LRRC71: variants seen among roughly 807,000 people sequenced by gnomAD.
LRRC71 encodes the protein leucine rich repeat containing 71.
A neutral mutation model predicts 66.6 loss-of-function variants in LRRC71; 54 were observed. The observed-to-expected ratio is 0.81, with a 90% CI of 0.65 to 1.02. The LOEUF (loss-of-function observed/expected upper bound fraction) is 1.02, where lower values mean the gene tolerates loss of function less well. LRRC71 is among the 50% of genes least tolerant of loss of function. LRRC71 has a pLI of 0.00. For missense variants in LRRC71, 724 were observed against 718.0 expected (o/e 1.01, Z -0.10); for synonymous variants, 323 against 303.9 (o/e 1.06, Z -0.65).
chr1:156,932,388 G>A (rs751460466), intron 13 of LRRC71, 36 bp from the exon 14 acceptor site: 3 of 1,557,654 alleles, frequency 1.9e-6, no homozygotes, highest in African/African-American at 1.4e-5. Flanking sequence ...TGAGGCCTGT[G>A]GTGCTAAGAG....
In LRRC71 at chr1:156,927,637, C is replaced by G; in HGVS notation, c.804C>G (p.Gly268=). 2 of 1,605,018 alleles carry G rather than the reference C, an allele frequency of 1.2e-6. No homozygotes were observed. The highest frequency in any genetic ancestry group is 1.7e-6 in the Non-Finnish European group (2 of 1,176,260). The change falls in exon 7 of 15, where the codon GGC becomes GGG. Residue 268 remains glycine (G), a synonymous_variant. Transcript: ENST00000337428. ...GTTTCAACCACATCGGTGACGAGGG[C>G]GCAGGCTACATCGCGGACGTGAGTG... The part of the protein sequence containing the change: ...NLGFNHIGDE[G]AGYIADGLRL...
the LRRC71 span, chr1:156,940,058 G>T: frequency 7.0e-7 from 1 of 1,418,968 alleles, no homozygotes; most frequent in Non-Finnish European, 9.4e-7. Context: ...TGGGGGTTGG[G>T]TGGGGAATGA....
At chr1:156,930,693 C>A (rs1435680964) in intron 12 of LRRC71, 76 bp downstream of exon 12, 2 of 1,360,994 alleles carry the variant, frequency 1.5e-6, no homozygotes, top group Non-Finnish European at 2.0e-6. Flanking sequence ...CTCACCCCAG[C>A]CCCTCCTGGA....
At chr1:156,937,119 G>C (rs1257706843), downstream of LRRC71, 1 of 1,565,198 alleles carries the variant, frequency 6.4e-7, no homozygotes, top group Non-Finnish European at 8.7e-7. Flanking sequence ...GTGGCTGGGC[G>C]GGCTGGGGGA....
chr1:156,930,060 T>TTC (rs746194831), intron 11 of LRRC71, among the ~76,000 whole-genome samples: 90 of 126,104 alleles, frequency 7.1e-4, no homozygotes, highest in East Asian at 2.2e-3. Flanking sequence ...CTTTCTTTCT[T>TTC]TTTCTTTCTT....
At position 156,924,645 on chromosome 1, in the gene LRRC71, T is replaced by C; in HGVS notation, c.442T>C (p.Trp148Arg). 6.4e-7 allele frequency: 1 copy of C among 1,551,478 alleles called. No homozygotes were observed. Among genetic ancestry groups the C allele is most frequent in the Non-Finnish European group, 8.7e-7 (1 of 1,146,908 alleles). Residue 148 changes from tryptophan (W) to arginine (R), a missense_variant and splice_region_variant, in exon 4 of 15, where the codon TGG becomes CGG. Physicochemically the swap from Trp to Arg is moderately radical, Grantham distance 101 (BLOSUM62 -3). Coordinates refer to ENST00000337428, the MANE Select transcript of LRRC71 (RefSeq NM_144702.3). ...ACCTGCCTCCTCTTGGCCCGCAGGT[T>C]GGAAGGTTGAGGAACGGATTCTGGG... ...KSVKEIYIRG[W>R]KVEERILGVF... is the part of the protein sequence containing the mutation.
chr1:156,931,195 C>T (rs1268496707), intron 12 of LRRC71, among the ~76,000 whole-genome samples: 2 of 152,122 alleles, frequency 1.3e-5, no homozygotes, highest in African/African-American at 4.8e-5. Context: ...CTCTTATGGT[C>T]CCTCATCCCT....
downstream of LRRC71, chr1:156,937,434 CCT>C: frequency 6.4e-7 from 1 of 1,571,234 alleles, no homozygotes; most frequent in Non-Finnish European, 8.6e-7. Flanking sequence ...CTCATGGGTG[CCT>C]CTGAGTGGTC....
intron 9 of LRRC71, among the ~76,000 whole-genome samples, chr1:156,928,408 C>CTTCTTCTTCTTCTTCT (rs1491124092): frequency 1.4e-3 from 48 of 34,446 alleles, no homozygotes; most frequent in African/African-American, 2.7e-3. Context: ...CTTCTTCTTC[C>CTTCTTCTTCTTCTTCT]TCTTATTCCT....
chr1:156,927,242 T>C lies in LRRC71; in HGVS notation c.634T>C (p.Tyr212His). The C allele has an allele frequency of 6.2e-7, 1 of 1,613,784 alleles. No individual in the cohort carries two copies. The highest frequency in any genetic ancestry group is 8.5e-7 in the Non-Finnish European group (1 of 1,179,838). The change falls in exon 6 of 15, where the codon TAT (tyrosine) becomes CAT (histidine). Residue 212 changes from tyrosine (Y) to histidine (H), a missense_variant. Tyr to His is a moderately conservative substitution (Grantham distance 83). Coordinates refer to ENST00000337428, the MANE Select transcript of LRRC71 (RefSeq NM_144702.3). The stretch of plus-strand genomic sequence containing the variant: ...GGGGAACCCACTGCCGGAGCAGTCC[T>C]ATCACAAGCTCATGGCCTTGGACAG... ...LEGNPLPEQS[Y>H]HKLMALDSTI...
chr1:156,937,218 C>T (rs771963707), downstream of LRRC71: 10 of 1,612,620 alleles, frequency 6.2e-6, no homozygotes, highest in Admixed American at 5.0e-5. Flanking sequence ...GGACTGAAGG[C>T]CTGCAGGGAC....
downstream of LRRC71, chr1:156,936,237 C>T (rs749794360): frequency 3.8e-6 from 3 of 782,442 alleles, no homozygotes; most frequent in African/African-American, 3.4e-5. Flanking sequence ...CTTTCATCAG[C>T]GCCTAAAGCC....
At chr1:156,923,913 T>TGGCCCCTTCTCTCACGCCCCTGC in intron 1 of LRRC71, 36 bp from the exon 2 acceptor site, 1 of 1,432,898 alleles carries the variant, frequency 7.0e-7, no homozygotes, top group Non-Finnish European at 9.2e-7. Context: ...GGGGTGGGCG[T>TGGCCCCTTCTCTCACGCCCCTGC]GGCCCCTTCT....
Position 156,927,493 on chromosome 1 carries a change from C to G in LRRC71, c.663-3C>G, listed in dbSNP as rs1337209825. On this transcript the variant is annotated splice_region_variant and splice_polypyrimidine_tract_variant and intron_variant, in intron 6 of 14. Coordinates refer to ENST00000337428, the MANE Select transcript of LRRC71 (RefSeq NM_144702.3). Reference sequence around the variant, plus strand: ...ACCCACATTCTCCCTCCGGCTGCCCCAGGATTGCGCACTTGTCTCTGCGGA... The same window carrying G: ...ACCCACATTCTCCCTCCGGCTGCCCGAGGATTGCGCACTTGTCTCTGCGGA... The G allele has an allele frequency of 2.6e-6, 4 of 1,524,886 alleles. No individual in the cohort carries two copies. The highest frequency in any genetic ancestry group is 3.5e-6 in the Non-Finnish European group (4 of 1,136,944). 94.5% of individuals were successfully genotyped at this position (1,524,886 alleles called of 1,614,324 possible).
chr1:156,924,834 G>A (rs1652947879), intron 4 of LRRC71, 104 bp from the exon 5 acceptor site: 2 of 1,500,466 alleles, frequency 1.3e-6, no homozygotes, highest in African/African-American at 1.4e-5. Context: ...GAGGTCGGGG[G>A]TGGGGGATGA....
downstream of LRRC71, chr1:156,937,158 G>A (rs1255184818): frequency 5.0e-6 from 8 of 1,586,658 alleles, no homozygotes; most frequent in Non-Finnish European, 6.9e-6. Context: ...AGGATCTAGG[G>A]CTCCCGCGAA....
Position 156,924,458 on chromosome 1 carries a change from T to C in LRRC71, c.345T>C (p.Asn115=). The change falls in exon 3 of 15, where the codon AAT becomes AAC. Residue 115 remains asparagine (N), a synonymous_variant. Coordinates refer to ENST00000337428, the MANE Select transcript of LRRC71 (RefSeq NM_144702.3). The part of the protein sequence containing the change: ...DPRLSGSCSL[N]SLESKYVFFR... ...GGCTGTCGGGGTCCTGCAGCCTCAA[T>C]AGCCTGGAGAGCAAATACGTGTTCT... The C allele has an allele frequency of 2.6e-6, 4 of 1,551,240 alleles. No homozygotes were observed. The highest frequency in any genetic ancestry group is 3.5e-6 in the Non-Finnish European group (4 of 1,146,980).
intron 1 of LRRC71, among the ~76,000 whole-genome samples, chr1:156,921,308 T>C (rs374146339): frequency 6.6e-6 from 1 of 152,222 alleles, no homozygotes. Flanking sequence ...TGAGGCCAGA[T>C]ATGTCACGGA....
chr1:156,928,450 C>CTCCTCT lies in LRRC71; in HGVS notation c.996+448_996+449insCTCTTC, dbSNP rs1653701853. Among the ~76,000 whole-genome samples the CTCCTCT allele has an allele frequency of 1.5e-4, 21 of 137,032 alleles. 1 individual carries two copies. Among genetic ancestry groups the CTCCTCT allele is most frequent in the Admixed American group, 1.5e-3 (20 of 13,322 alleles). The allele number at this position is 137,032 out of a possible 152,430, so 89.9% of individuals were successfully genotyped here. ...CCTCTTCTTCTTCCTCTTCCTCCTC[C>CTCCTCT]TCTTCTTCTCCTTCTTCTCTTCTTC... On this transcript the variant is annotated intron_variant, in intron 9 of 14. Transcript: ENST00000337428.
Sources: gnomAD v4.1 joint callset for allele counts (sites outside exome capture counted in the v4.1 genomes callset) on GRCh38, gnomAD v4.1.1 for gene constraint, MANE v1.5 for transcripts, NCBI Gene and HGNC (gene_info 2026-07-23, HGNC 2026-07-21) for gene names.